NEK11: variants seen among roughly 807,000 people sequenced by gnomAD.
NEK11 encodes the protein NIMA related kinase 11.
NEK11 carries 72 observed loss-of-function variants against 80.7 expected under a neutral mutation model. The ratio of observed to expected loss-of-function variants is 0.89; its 90% confidence interval spans 0.74 to 1.08. NEK11 has a LOEUF of 1.08. Among genes scored for constraint, NEK11 ranks in the 50% least tolerant of loss-of-function variants. The pLI, the probability that NEK11 is intolerant of heterozygous loss-of-function variation, is 0.00. For missense variants in NEK11, 764 were observed against 763.6 expected, an observed-to-expected ratio of 1.00 and a Z score of -0.01; for synonymous variants, 251 against 260.7, an observed-to-expected ratio of 0.96 and a Z score of 0.36.
At chr3:131,239,226 G>A (rs2095483583) in intron 15 of NEK11, among the ~76,000 whole-genome samples, 1 of 152,106 alleles carries the variant, frequency 6.6e-6, no homozygotes, top group Non-Finnish European at 1.5e-5. Context: ...GAGAAGAGGT[G>A]ACCAAGAGGT....
At chr3:131,215,490 G>C (rs2094803553) in intron 14 of NEK11, among the ~76,000 whole-genome samples, 1 of 152,152 alleles carries the variant, frequency 6.6e-6, no homozygotes, top group South Asian at 2.1e-4. Context: ...AGGTCTGTGA[G>C]CTTGCCTTTC....
intron 17 of NEK11, among the ~76,000 whole-genome samples, chr3:131,276,420 A>G (rs1042904285): frequency 1.1e-4 from 16 of 152,150 alleles, no homozygotes; most frequent in Admixed American, 9.2e-4. Flanking sequence ...GCCCTGCAGA[A>G]CTGTGCTGAG....
At chr3:131,096,304 G>C (rs1166403284) in intron 4 of NEK11, among the ~76,000 whole-genome samples, 2 of 151,988 alleles carry the variant, frequency 1.3e-5, no homozygotes, top group Non-Finnish European at 2.9e-5. Flanking sequence ...GTATTGGTTT[G>C]CTTAGGATTA....
chr3:131,255,050 G>GAGACAGACAGACAGACAGAC (rs59934459), intron 16 of NEK11, among the ~76,000 whole-genome samples: 1 of 132,738 alleles, frequency 7.5e-6, no homozygotes, highest in East Asian at 2.2e-4. Flanking sequence ...GAGAGAGAGA[G>GAGACAGACAGACAGACAGAC]AGACAGACAG....
chr3:131,328,609 G>A (rs938032964), intron 17 of NEK11: 1 of 152,198 alleles, frequency 6.6e-6, no homozygotes, highest in Non-Finnish European at 1.5e-5. Context: ...AAGCTGCAGG[G>A]AAAGGGAAAC....
chr3:131,098,918 T>G (rs1268070710), intron 4 of NEK11, among the ~76,000 whole-genome samples: 1 of 152,186 alleles, frequency 6.6e-6, no homozygotes, highest in African/African-American at 2.4e-5. Flanking sequence ...TTTTATTCCA[T>G]TCTGTACATC....
At chr3:131,296,909 G>A (rs892375717) in intron 17 of NEK11, among the ~76,000 whole-genome samples, 16 of 151,708 alleles carry the variant, frequency 1.1e-4, no homozygotes, top group Admixed American at 5.3e-4. Flanking sequence ...AGAATATGCC[G>A]TGTTTGGTTT....
chr3:131,229,682 TAAATA>T (rs2095290871), intron 15 of NEK11, among the ~76,000 whole-genome samples: 1 of 151,832 alleles, frequency 6.6e-6, no homozygotes. Context: ...TAATATTCAA[TAAATA>T]AAAGCAGTAA....
At chr3:131,087,542 G>A (rs556529714) in intron 4 of NEK11, among the ~76,000 whole-genome samples, 74 of 152,054 alleles carry the variant, frequency 4.9e-4, no homozygotes, top group Admixed American at 2.0e-3. Flanking sequence ...GTGCCCGGCC[G>A]CAAATTCTTA....
At chr3:131,121,012 T>A (rs547355481) in intron 5 of NEK11, among the ~76,000 whole-genome samples, 1 of 152,346 alleles carries the variant, frequency 6.6e-6, no homozygotes, top group East Asian at 1.9e-4. Context: ...TCGTCCAGCT[T>A]TGTTCCGTTG....
At chr3:131,203,464 G>T (rs983575135) in intron 14 of NEK11, among the ~76,000 whole-genome samples, 3 of 150,308 alleles carry the variant, frequency 2.0e-5, no homozygotes, top group African/African-American at 7.3e-5. Context: ...AGCATTAGGA[G>T]ATATACCTAA....
At chr3:131,212,654 G>A (rs1381265868) in intron 14 of NEK11, among the ~76,000 whole-genome samples, 2 of 152,194 alleles carry the variant, frequency 1.3e-5, no homozygotes, top group East Asian at 1.9e-4. Context: ...ACATCTAAAT[G>A]TCAAGATGTT....
intron 3 of NEK11, among the ~76,000 whole-genome samples, chr3:131,058,302 T>G (rs1023726313): frequency 1.3e-5 from 2 of 152,192 alleles, no homozygotes; most frequent in Admixed American, 6.5e-5. Flanking sequence ...CCTTGTAGTA[T>G]AGTTTGAAGT....
intron 14 of NEK11, among the ~76,000 whole-genome samples, chr3:131,209,034 T>G (rs1276371084): frequency 3.3e-5 from 5 of 152,176 alleles, no homozygotes; most frequent in African/African-American, 1.2e-4. Flanking sequence ...GGCATCCCTG[T>G]CTTGTGCCAG....
At chr3:131,102,001 T>C (rs1249250946) in intron 4 of NEK11, among the ~76,000 whole-genome samples, 4 of 152,216 alleles carry the variant, frequency 2.6e-5, no homozygotes, top group Admixed American at 6.5e-5. Context: ...TTAATTTTTG[T>C]TGGTTTAAAA....
rs147665287 is a variant in NEK11, at chr3:131,094,236, A to G, written c.336+13648A>G. Among the ~76,000 whole-genome samples the G allele has an allele frequency of 2.2e-3, 327 of 151,830 alleles. 1 individual carries two copies. Among genetic ancestry groups the G allele is most frequent in the African/African-American group, 7.7e-3 (318 of 41,370 alleles). ...AAAAGACCCATTCAGTGGGTTCTAGATCATGAAAGATCTAGTTGTCATCAG... is the reference window on the plus strand; with the variant it reads ...AAAAGACCCATTCAGTGGGTTCTAGGTCATGAAAGATCTAGTTGTCATCAG... On this transcript the variant is annotated intron_variant, in intron 4 of 17. Transcript: ENST00000383366.
At chr3:131,138,391 G>A (rs1429256202) in intron 7 of NEK11, among the ~76,000 whole-genome samples, 1 of 152,150 alleles carries the variant, frequency 6.6e-6, no homozygotes, top group Non-Finnish European at 1.5e-5. Flanking sequence ...CACAGCCACA[G>A]TAGAATATAA....
At chr3:131,118,206 G>A (rs530807912) in intron 5 of NEK11, among the ~76,000 whole-genome samples, 2 of 152,230 alleles carry the variant, frequency 1.3e-5, no homozygotes, top group South Asian at 2.1e-4. Flanking sequence ...TTTGTCGAAG[G>A]CCTTTTCTGC....
chr3:131,068,577 G>A (rs2072517879), intron 3 of NEK11, among the ~76,000 whole-genome samples: 1 of 152,032 alleles, frequency 6.6e-6, no homozygotes, highest in Non-Finnish European at 1.5e-5. Flanking sequence ...TCAACATTAT[G>A]TCCTGAGGAG....
Sources: allele counts gnomAD v4.1 joint callset (sites outside exome capture counted in the v4.1 genomes callset), GRCh38; gene constraint gnomAD v4.1.1; transcripts MANE v1.5; gene names NCBI Gene and HGNC (gene_info 2026-07-23, HGNC 2026-07-21).